Variants in RFX2 observed in about 807,000 individuals in gnomAD.
RFX2 encodes regulatory factor X2, also known as DNA-binding protein RFX2.
RFX2 carries 20 observed loss-of-function variants against 87.8 expected under a neutral mutation model. The observed-to-expected ratio is 0.23, with a 90% CI of 0.16 to 0.33. The LOEUF is 0.33. Among genes scored for constraint, RFX2 ranks in the 10% least tolerant of loss-of-function variants. The pLI is 1.00. For synonymous variants in RFX2, 397 were observed against 431.3 expected (o/e 0.92, Z 0.98); for missense variants, 767 against 1,012.3 (o/e 0.76, Z 3.29).
chr19:6,044,040 G>C lies in RFX2; in HGVS notation c.180+153C>G, dbSNP rs1280264075. ...TGCAGTAAATGATTTTTTTAAAATT[G>C]CACAGCTTCTGGAAAAGTCTTTTGG... is the stretch of plus-strand genomic sequence containing the variant. On this transcript the variant is annotated intron_variant, in intron 3 of 17. Coordinates refer to ENST00000303657, the MANE Select transcript of RFX2 (RefSeq NM_000635.4). This position sits in a 1 kb window ranked among gnomAD's most constrained non-coding sequence, Gnocchi z 5.3. 1.3e-5 allele frequency among the ~76,000 whole-genome samples: 2 copies of C among 152,130 alleles called. No homozygotes were observed. The highest frequency in any genetic ancestry group is 2.9e-5 in the Non-Finnish European group (2 of 68,032).
intron 5 of RFX2, among the ~76,000 whole-genome samples, chr19:6,034,928 A>G (rs1052830390): frequency 6.6e-6 from 1 of 152,230 alleles, no homozygotes; most frequent in Admixed American, 6.5e-5. Flanking sequence ...CGGGTATCAT[A>G]AGACACCCTT....
In RFX2 at chr19:6,044,374, G is replaced by A. The variant is rs569891237; in HGVS notation, c.91-92C>T. On this transcript the variant is annotated intron_variant, in intron 2 of 17. Coordinates refer to ENST00000303657, the MANE Select transcript of RFX2 (RefSeq NM_000635.4). The surrounding 1 kb of genome is among the most constrained non-coding windows in gnomAD (Gnocchi z 5.3). Reference sequence around the variant, plus strand: ...TGTAAGATGCTGTTTGTCTGTTCATGTGCTTTTTATTAAAACATAGGCAGG... The same window carrying A: ...TGTAAGATGCTGTTTGTCTGTTCATATGCTTTTTATTAAAACATAGGCAGG... 7 of 850,146 alleles carry A rather than the reference G, an allele frequency of 8.2e-6. No individual in the cohort carries two copies. In the African/African-American group the frequency reaches 8.9e-5, roughly 11 times the overall value. The allele number at this position is 850,146 out of a possible 1,614,324, so 52.7% of individuals were successfully genotyped here. A position where few individuals can be genotyped will look rare whatever the true frequency, so the allele number is the denominator to read the frequency against.
rs2086738766 is a variant in RFX2, at chr19:6,017,212, C to T, written c.598-941G>A. Among the ~76,000 whole-genome samples, 2 of 152,186 alleles carry T rather than the reference C, an allele frequency of 1.3e-5. No homozygotes were observed. On this transcript the variant is annotated intron_variant, in intron 6 of 17. Coordinates refer to ENST00000303657, the MANE Select transcript of RFX2 (RefSeq NM_000635.4). This position sits in a 1 kb window ranked among gnomAD's most constrained non-coding sequence, Gnocchi z 4.1. Reference sequence around the variant, plus strand: ...CCACACTGTACTCCAGCCTGGGCGACAGGGCAAGACTTCGTCTCTTTCAAA... The same window carrying T: ...CCACACTGTACTCCAGCCTGGGCGATAGGGCAAGACTTCGTCTCTTTCAAA...
intron 1 of RFX2, among the ~76,000 whole-genome samples, chr19:6,100,178 A>C (rs770735281): frequency 6.6e-5 from 10 of 152,210 alleles, no homozygotes; most frequent in Non-Finnish European, 1.2e-4. Context: ...AAGAAAGTAC[A>C]AGACCCGTTT....
Position 6,016,308 on chromosome 19 carries a change from C to T in RFX2, c.598-37G>A. The T allele has an allele frequency of 6.6e-7, 1 of 1,518,166 alleles. No individual in the cohort carries two copies. Among genetic ancestry groups the T allele is most frequent in the Non-Finnish European group, 9.0e-7 (1 of 1,113,190 alleles). The allele number at this position is 1,518,166 out of a possible 1,614,324, so 94.0% of individuals were successfully genotyped here. On this transcript the variant is annotated intron_variant, in intron 6 of 17. Transcript: ENST00000303657. This position sits in a 1 kb window ranked among gnomAD's most constrained non-coding sequence, Gnocchi z 5.4. ...AAGACACGTCTGCGTTTGTCAGAAGCCTGAGGAACGCTAACATGCCAACGT... is the reference window on the plus strand; with the variant it reads ...AAGACACGTCTGCGTTTGTCAGAAGTCTGAGGAACGCTAACATGCCAACGT...
At chr19:6,006,758 ATTTT>A (rs766700053) in intron 12 of RFX2, among the ~76,000 whole-genome samples, 1 of 138,820 alleles carries the variant, frequency 7.2e-6, no homozygotes, top group Non-Finnish European at 1.6e-5. Flanking sequence ...CCCCAGATAA[ATTTT>A]TTTTTTTTTT....
chr19:6,087,987 C>A (rs922676156), intron 1 of RFX2, among the ~76,000 whole-genome samples: 1 of 152,104 alleles, frequency 6.6e-6, no homozygotes, highest in Non-Finnish European at 1.5e-5. Flanking sequence ...ATAAGCTGCA[C>A]ACCCACTTCC....
chr19:6,069,080 C>A (rs553220890), intron 1 of RFX2, among the ~76,000 whole-genome samples: 1 of 152,082 alleles, frequency 6.6e-6, no homozygotes, highest in Non-Finnish European at 1.5e-5. Flanking sequence ...AAGAAAAAGG[C>A]CTGGAGAGCA....
At chr19:6,014,024 C>A (rs969451974) in intron 7 of RFX2, among the ~76,000 whole-genome samples, 2 of 152,060 alleles carry the variant, frequency 1.3e-5, no homozygotes, top group South Asian at 4.1e-4. Context: ...GTTTGGGAAC[C>A]ATTACATTAG....
intron 1 of RFX2, among the ~76,000 whole-genome samples, chr19:6,082,322 A>T (rs1441313571): frequency 2.0e-5 from 3 of 150,298 alleles, no homozygotes; most frequent in Non-Finnish European, 4.4e-5. Context: ...AATGGTAGAC[A>T]GGGGAAATGG....
chr19:6,098,346 TG>T (rs1599932252), intron 1 of RFX2, among the ~76,000 whole-genome samples: 1 of 152,020 alleles, frequency 6.6e-6, no homozygotes, highest in East Asian at 1.9e-4. Context: ...ACTTGAGAAA[TG>T]GGGGCTCTCC....
Position 6,017,836 on chromosome 19 carries a change from T to C in RFX2, c.598-1565A>G, listed in dbSNP as rs1015976244. 2.6e-5 allele frequency among the ~76,000 whole-genome samples: 4 copies of C among 151,804 alleles called. No homozygotes were observed. On this transcript the variant is annotated intron_variant, in intron 6 of 17. Transcript: ENST00000303657. The surrounding 1 kb of genome is among the most constrained non-coding windows in gnomAD (Gnocchi z 4.1). ...CAAGACACAAAGTAGGCGTGTCCCC[T>C]GGGAAATATCTGTCCACTCACCACA... is the stretch of plus-strand genomic sequence containing the variant.
At chr19:6,035,816 T>A (rs571591573) in intron 5 of RFX2, among the ~76,000 whole-genome samples, 29 of 151,712 alleles carry the variant, frequency 1.9e-4, no homozygotes, top group African/African-American at 6.8e-4. Flanking sequence ...CAGATTCGTA[T>A]CCAAGATGAT....
chr19:6,015,643 C>T (rs114102851), intron 7 of RFX2, among the ~76,000 whole-genome samples: 1 of 151,812 alleles, frequency 6.6e-6, no homozygotes, highest in Admixed American at 6.6e-5. Context: ...TGTGCAAATA[C>T]GTGTGCACCA....
At chr19:6,015,207 C>G (rs1439816706) in intron 7 of RFX2, among the ~76,000 whole-genome samples, 2 of 152,042 alleles carry the variant, frequency 1.3e-5, no homozygotes, top group Non-Finnish European at 2.9e-5. Flanking sequence ...GCAGGCAGAT[C>G]ACTTGAGGCC....
intron 5 of RFX2, among the ~76,000 whole-genome samples, chr19:6,031,618 T>TG (rs1337394993): frequency 1.3e-5 from 2 of 151,632 alleles, no homozygotes; most frequent in Non-Finnish European, 2.9e-5. Context: ...TTAGTCGAGG[T>TG]GGGGTTTCAC....
chr19:6,086,745 G>A (rs2087861173), intron 1 of RFX2, among the ~76,000 whole-genome samples: 1 of 152,188 alleles, frequency 6.6e-6, no homozygotes. Context: ...GCTCATTCCT[G>A]TTTTCAGTGA....
intron 1 of RFX2, among the ~76,000 whole-genome samples, chr19:6,104,317 C>A (rs893042701): frequency 7.2e-5 from 11 of 151,994 alleles, no homozygotes; most frequent in Admixed American, 1.3e-4. Context: ...CGCCTGTAAT[C>A]CCAGCACTTT....
In RFX2 at chr19:6,039,954, G is replaced by C. The variant is rs1432237993; in HGVS notation, c.522+26C>G. The C allele has an allele frequency of 2.6e-6, 4 of 1,527,366 alleles. No individual in the cohort carries two copies. Among genetic ancestry groups the C allele is most frequent in the Non-Finnish European group, 3.5e-6 (4 of 1,127,370 alleles). The allele number at this position is 1,527,366 out of a possible 1,614,324, so 94.6% of individuals were successfully genotyped here. ...TTCGAGAATACTCATGGCCTACCCTGCTGGTCCCAAGAGCCTCCTACATAC... is the reference window on the plus strand; with the variant it reads ...TTCGAGAATACTCATGGCCTACCCTCCTGGTCCCAAGAGCCTCCTACATAC... On this transcript the variant is annotated intron_variant, in intron 5 of 17. Coordinates refer to ENST00000303657, the MANE Select transcript of RFX2 (RefSeq NM_000635.4). The surrounding 1 kb of genome is among the most constrained non-coding windows in gnomAD (Gnocchi z 5.2).
Sources: gnomAD v4.1 joint callset for allele counts (sites outside exome capture counted in the v4.1 genomes callset) on GRCh38, gnomAD v4.1.1 for gene constraint, Gnocchi (gnomAD v3.1) non-coding constraint, MANE v1.5 for transcripts, NCBI Gene and HGNC (gene_info 2026-07-23, HGNC 2026-07-21) for gene names.